KLRD1: variants seen among roughly 807,000 people sequenced by gnomAD.
KLRD1 encodes the protein killer cell lectin like receptor D1.
Under a neutral mutation model 22.6 loss-of-function variants are expected in KLRD1, and 21 were observed. That is an observed-to-expected ratio of 0.93 (90% CI 0.66 to 1.34). The LOEUF (loss-of-function observed/expected upper bound fraction) is 1.34, where lower values mean the gene tolerates loss of function less well. KLRD1 is among the 40% of genes most tolerant of loss of function. The pLI is 0.00. For synonymous variants in KLRD1, 59 were observed against 71.1 expected (o/e 0.83, Z 0.85); for missense variants, 183 against 208.6 (o/e 0.88, Z 0.76).
At chr12:10,239,468 TCCTTCCTTCCTTCCTTCTTC>T (rs1949216534) in intron 1 of KLRD1, among the ~76,000 whole-genome samples, 2 of 25,080 alleles carry the variant, frequency 8.0e-5, no homozygotes, top group African/African-American at 9.4e-5. Context: ...CTTCCTTCCT[TCCTTCCTTCCTTCCTTCTTC>T]CTTCCTTCCT....
At chr12:10,311,443 A>G (rs953463674) in intron 3 of KLRD1, 21 bp from the exon 4 acceptor site, 1 of 1,607,002 alleles carries the variant, frequency 6.2e-7, no homozygotes, top group African/African-American at 1.3e-5. Flanking sequence ...GTCATTAGTC[A>G]TGCTTTATGT....
At chr12:10,275,808 T>C (rs1248101581) in intron 1 of KLRD1, among the ~76,000 whole-genome samples, 2 of 152,192 alleles carry the variant, frequency 1.3e-5, no homozygotes, top group Admixed American at 6.5e-5. Flanking sequence ...CTCTGAAATA[T>C]GACAAACATA....
At chr12:10,260,599 A>G (rs560047030) in intron 1 of KLRD1, among the ~76,000 whole-genome samples, 2 of 151,880 alleles carry the variant, frequency 1.3e-5, no homozygotes, top group Non-Finnish European at 2.9e-5. Context: ...TCAGGAATTC[A>G]AGACCAGCCT....
rs142141696 is a variant in KLRD1 at position 10,291,992 on chromosome 12, G to A, written c.-100-15986G>A. Among the ~76,000 whole-genome samples the A allele has an allele frequency of 4.0e-3, 607 of 152,160 alleles. 19 individuals carry two copies. The East Asian group carries it at 0.068, about 17-fold the overall frequency. The stretch of plus-strand genomic sequence containing the variant: ...TAATCTCATTCTTTTTTATGGCTGC[G>A]TAGAATTCCATGGTGTATATGTACC... On this transcript the variant is annotated intron_variant, in intron 1 of 5. Coordinates refer to the KLRD1 transcript ENST00000544747.
intron 1 of KLRD1, among the ~76,000 whole-genome samples, chr12:10,255,574 G>T (rs1233587407): frequency 6.6e-6 from 1 of 151,916 alleles, no homozygotes; most frequent in Non-Finnish European, 1.5e-5. Context: ...AATTTCCCTT[G>T]TATTTTTTCT....
At chr12:10,265,759 A>T (rs938927945) in intron 1 of KLRD1, among the ~76,000 whole-genome samples, 10 of 152,232 alleles carry the variant, frequency 6.6e-5, no homozygotes, top group South Asian at 6.2e-4. Flanking sequence ...TCCCTCTCAA[A>T]AAAAAGAAAA....
chr12:10,246,049 A>G (rs1949287792), intron 1 of KLRD1, among the ~76,000 whole-genome samples: 1 of 152,212 alleles, frequency 6.6e-6, no homozygotes. Flanking sequence ...TTTAACATAC[A>G]ATGCATTTCA....
At chr12:10,302,687 G>A (rs533499696), upstream of KLRD1, among the ~76,000 whole-genome samples, 106 of 151,936 alleles carry the variant, frequency 7.0e-4, 1 homozygote, top group Non-Finnish European at 9.9e-4. Context: ...TGGTCCTCAC[G>A]AGCTCAGTCT....
intron 1 of KLRD1, among the ~76,000 whole-genome samples, chr12:10,238,988 G>A (rs1045757008): frequency 6.6e-5 from 10 of 152,146 alleles, no homozygotes; most frequent in Non-Finnish European, 1.5e-4. Context: ...GGAGTCTTAG[G>A]TTCTTACCTT....
At chr12:10,297,459 T>C (rs1035435771) in intron 1 of KLRD1, among the ~76,000 whole-genome samples, 92 of 152,248 alleles carry the variant, frequency 6.0e-4, no homozygotes, top group African/African-American at 2.1e-3. Flanking sequence ...ACATTTAGAC[T>C]ATTATTGGTT....
chr12:10,286,035 G>A (rs1414429910), intron 1 of KLRD1, among the ~76,000 whole-genome samples: 3 of 152,028 alleles, frequency 2.0e-5, no homozygotes, highest in Admixed American at 2.0e-4. Context: ...CGCCAGACAC[G>A]CCATTTCCTC....
chr12:10,304,243 CAG>C (rs1487181331), upstream of KLRD1, among the ~76,000 whole-genome samples: 1 of 152,304 alleles, frequency 6.6e-6, no homozygotes, highest in African/African-American at 2.4e-5. Flanking sequence ...CCCAGACAAA[CAG>C]ATAAACATAT....
At chr12:10,253,472 A>G (rs1052718881) in intron 1 of KLRD1, among the ~76,000 whole-genome samples, 3 of 152,064 alleles carry the variant, frequency 2.0e-5, no homozygotes, top group African/African-American at 7.2e-5. Flanking sequence ...TACATGGGTA[A>G]ACATGTGTCA....
At chr12:10,251,183 G>A (rs1456470488) in intron 1 of KLRD1, among the ~76,000 whole-genome samples, 2 of 152,200 alleles carry the variant, frequency 1.3e-5, no homozygotes, top group East Asian at 3.9e-4. Context: ...GGAGTGCAGT[G>A]GTGCGATCCT....
At chr12:10,254,459 A>G (rs968641583) in intron 1 of KLRD1, among the ~76,000 whole-genome samples, 4 of 150,274 alleles carry the variant, frequency 2.7e-5, no homozygotes, top group African/African-American at 9.8e-5. Context: ...AAAACCTATC[A>G]ACAGAGTAAA....
In KLRD1 at chr12:10,320,805, TC is replaced by T. The variant is rs1950305326; in HGVS notation, c.*6013del. On this transcript the variant is annotated 3_prime_UTR_variant, in exon 6 of 6. Transcript: ENST00000336164. ...GAAAGAACACAAGTAGTGCCTCAAT[TC>T]AGTCAGATGAAGATCTATAAAGGTC... 6.6e-6 allele frequency: 1 copy of T among 152,180 alleles called. No individual in the cohort carries two copies. Among genetic ancestry groups the T allele is most frequent in the Non-Finnish European group, 1.5e-5 (1 of 68,020 alleles). 9.4% of individuals were successfully genotyped at this position (152,180 alleles called of 1,614,324 possible). A position where few individuals can be genotyped will look rare whatever the true frequency, so the allele number is the denominator to read the frequency against.
At chr12:10,253,954 G>T (rs1263065301) in intron 1 of KLRD1, among the ~76,000 whole-genome samples, 6 of 152,108 alleles carry the variant, frequency 3.9e-5, no homozygotes, top group Non-Finnish European at 1.5e-5. Context: ...TTGTTGAATT[G>T]AATGGTAGTT....
At chr12:10,253,148 A>G (rs1182738083) in intron 1 of KLRD1, among the ~76,000 whole-genome samples, 1 of 151,998 alleles carries the variant, frequency 6.6e-6, no homozygotes, top group Non-Finnish European at 1.5e-5. Flanking sequence ...TTCTAGATCT[A>G]TATGCTTATA....
chr12:10,241,356 C>T (rs935207151), intron 1 of KLRD1, among the ~76,000 whole-genome samples: 5 of 151,978 alleles, frequency 3.3e-5, no homozygotes, highest in Middle Eastern at 3.2e-3. Context: ...AGGAGGGGAG[C>T]GATTTTTTAC....
Sources: allele counts gnomAD v4.1 joint callset (sites outside exome capture counted in the v4.1 genomes callset), GRCh38; gene constraint gnomAD v4.1.1; transcripts MANE v1.5; gene names NCBI Gene and HGNC (gene_info 2026-07-23, HGNC 2026-07-21).